GRID2: variants seen among roughly 807,000 people sequenced by gnomAD.
The protein encoded by GRID2 is glutamate receptor ionotropic, delta-2.
Under a neutral mutation model 114.8 loss-of-function variants are expected in GRID2, and 33 were observed. The observed-to-expected ratio is 0.29, with a 90% CI of 0.22 to 0.38. The LOEUF (loss-of-function observed/expected upper bound fraction) is 0.38. GRID2 is among the 10% of genes least tolerant of loss of function. GRID2 has a pLI of 1.00. For synonymous variants in GRID2, 505 were observed against 449.9 expected, an observed-to-expected ratio of 1.12 and a Z score of -1.55; for missense variants, 1,184 against 1,257.7, an observed-to-expected ratio of 0.94 and a Z score of 0.89.
intron 2 of GRID2, among the ~76,000 whole-genome samples, chr4:92,986,724 T>A (rs77294661): frequency 0.026 from 3,918 of 152,254 alleles, 91 homozygotes; most frequent in African/African-American, 0.057. Context: ...CAGACTTTTT[T>A]AAAAAGCTGT....
chr4:92,926,580 T>A (rs1028839442), intron 2 of GRID2, among the ~76,000 whole-genome samples: 1 of 151,994 alleles, frequency 6.6e-6, no homozygotes, highest in South Asian at 2.1e-4. Flanking sequence ...AAGAGTCTAT[T>A]GAATGAGTTA....
At chr4:92,363,804 C>A (rs1579242288) in intron 1 of GRID2, among the ~76,000 whole-genome samples, 1 of 147,302 alleles carries the variant, frequency 6.8e-6, no homozygotes, top group African/African-American at 2.5e-5. Flanking sequence ...ATTACTGTGT[C>A]TAGAATTAAG....
At chr4:93,488,359 G>T (rs1208509905) in intron 11 of GRID2, among the ~76,000 whole-genome samples, 1 of 151,842 alleles carries the variant, frequency 6.6e-6, no homozygotes, top group Admixed American at 6.6e-5. Flanking sequence ...AGATATCAGA[G>T]GTTAGCCTGT....
At chr4:92,425,623 G>A (rs1473847580) in intron 1 of GRID2, among the ~76,000 whole-genome samples, 4 of 152,030 alleles carry the variant, frequency 2.6e-5, no homozygotes, top group South Asian at 2.1e-4. Context: ...TAGTATGTTT[G>A]TGTAGCTTAT....
chr4:92,939,782 A>T (rs917485194), intron 2 of GRID2, among the ~76,000 whole-genome samples: 1 of 147,340 alleles, frequency 6.8e-6, no homozygotes, highest in African/African-American at 2.4e-5. Flanking sequence ...CTTTCTACAT[A>T]TGGCTAGCCA....
intron 14 of GRID2, among the ~76,000 whole-genome samples, chr4:93,686,213 G>C (rs370921220): frequency 2.8e-4 from 42 of 151,908 alleles, no homozygotes; most frequent in African/African-American, 8.7e-4. Context: ...AGATGCCTTT[G>C]AGTCACACTC....
chr4:93,744,136 C>G (rs1731643140), intron 14 of GRID2, among the ~76,000 whole-genome samples: 2 of 152,200 alleles, frequency 1.3e-5, no homozygotes, highest in East Asian at 3.8e-4. Context: ...CAAAATATTA[C>G]TGCTCATTGG....
chr4:93,069,444 A>T (rs1234082240), intron 2 of GRID2, among the ~76,000 whole-genome samples: 2 of 152,054 alleles, frequency 1.3e-5, no homozygotes, highest in Non-Finnish European at 2.9e-5. Flanking sequence ...TATTATAAAT[A>T]GATTTCATCA....
chr4:92,531,213 TGTA>T (rs529742804), intron 1 of GRID2, among the ~76,000 whole-genome samples: 59 of 152,242 alleles, frequency 3.9e-4, no homozygotes, highest in African/African-American at 1.4e-3. Context: ...GAGTGTTTCT[TGTA>T]GTAGTCTCTC....
intron 4 of GRID2, among the ~76,000 whole-genome samples, chr4:93,206,243 T>C (rs1383416500): frequency 6.6e-6 from 1 of 152,004 alleles, no homozygotes; most frequent in Non-Finnish European, 1.5e-5. Context: ...ACAAAGATTC[T>C]GCAACTAATT....
At chr4:92,612,020 T>C (rs1006746570) in intron 2 of GRID2, among the ~76,000 whole-genome samples, 2 of 151,594 alleles carry the variant, frequency 1.3e-5, no homozygotes, top group African/African-American at 2.4e-5. Context: ...TTTAAACTTA[T>C]GTGTTTAGCT....
At chr4:93,206,073 TAATAA>T (rs1184565035) in intron 4 of GRID2, among the ~76,000 whole-genome samples, 1 of 151,750 alleles carries the variant, frequency 6.6e-6, no homozygotes, top group African/African-American at 2.4e-5. Flanking sequence ...AGTATAATAA[TAATAA>T]AATAAAATTA....
Position 92,439,066 on chromosome 4 carries a change from G to A in GRID2, c.88+134322G>A, listed in dbSNP as rs867876429. Among the ~76,000 whole-genome samples, 5 of 152,022 alleles carry A rather than the reference G, an allele frequency of 3.3e-5. No individual in the cohort carries two copies. The South Asian group carries it at 6.2e-4, about 19-fold the overall frequency. On this transcript the variant is annotated intron_variant, in intron 1 of 15. Transcript: ENST00000282020. ...TCCGAAAAGAGAGTCAGCGAAGGGA[G>A]ATAAGGGTGGGGCCGTTTTACAGGA...
At chr4:93,735,071 A>C (rs1730806688) in intron 14 of GRID2, among the ~76,000 whole-genome samples, 1 of 152,030 alleles carries the variant, frequency 6.6e-6, no homozygotes, top group African/African-American at 2.4e-5. Flanking sequence ...CTTGAGACCA[A>C]GATGCATCGT....
intron 2 of GRID2, among the ~76,000 whole-genome samples, chr4:92,988,561 A>G (rs901953708): frequency 6.6e-6 from 1 of 152,244 alleles, no homozygotes; most frequent in Non-Finnish European, 1.5e-5. Flanking sequence ...GGATTGCACA[A>G]CCATGAATCA....
At chr4:92,473,510 A>G (rs1229437850) in intron 1 of GRID2, among the ~76,000 whole-genome samples, 3 of 152,116 alleles carry the variant, frequency 2.0e-5, no homozygotes, top group Admixed American at 1.3e-4. Context: ...TTAACAGGAA[A>G]GTATTCAATC....
intron 2 of GRID2, among the ~76,000 whole-genome samples, chr4:92,669,217 A>T (rs980221886): frequency 2.0e-5 from 3 of 151,950 alleles, no homozygotes; most frequent in Non-Finnish European, 4.4e-5. Context: ...GGAGAGTGGT[A>T]CATTTAATTA....
chr4:93,525,038 C>G (rs1431973518), intron 13 of GRID2, among the ~76,000 whole-genome samples: 1 of 151,750 alleles, frequency 6.6e-6, no homozygotes, highest in African/African-American at 2.4e-5. Context: ...TAGCTACATT[C>G]AATTCTAATT....
At chr4:92,983,567 G>T (rs1332940413) in intron 2 of GRID2, among the ~76,000 whole-genome samples, 1 of 145,912 alleles carries the variant, frequency 6.9e-6, no homozygotes, top group Non-Finnish European at 1.5e-5. Flanking sequence ...TAAACATATA[G>T]TATATGATTA....
Sources: gnomAD v4.1 joint callset for allele counts (sites outside exome capture counted in the v4.1 genomes callset) on GRCh38, gnomAD v4.1.1 for gene constraint, MANE v1.5 for transcripts, NCBI Gene and HGNC (gene_info 2026-07-23, HGNC 2026-07-21) for gene names.